Variants in MINK1 observed in about 807,000 individuals in gnomAD.
The protein encoded by MINK1 is misshapen like kinase 1.
In MINK1, 46 loss-of-function variants were observed where a neutral mutation model predicts 178.4. The observed-to-expected ratio is 0.26, with a 90% confidence interval of 0.20 to 0.33. MINK1 has a LOEUF of 0.33. Ranked by LOEUF, MINK1 falls within the 10% of genes least tolerant of loss-of-function variation. The pLI is 1.00. For synonymous variants in MINK1, 797 were observed against 709.7 expected, an observed-to-expected ratio of 1.12 and a Z score of -1.96; for missense variants, 1,366 against 1,814.9, an observed-to-expected ratio of 0.75 and a Z score of 4.49.
At chr17:4,866,802 G>A (rs1455669682) in intron 1 of MINK1, among the ~76,000 whole-genome samples, 2 of 151,332 alleles carry the variant, frequency 1.3e-5, no homozygotes, top group Admixed American at 6.6e-5. Flanking sequence ...GATCGGGCGC[G>A]GTGGCTCACG....
At chr17:4,871,972 G>C (rs1396751684) in intron 1 of MINK1, among the ~76,000 whole-genome samples, 1 of 152,114 alleles carries the variant, frequency 6.6e-6, no homozygotes, top group Non-Finnish European at 1.5e-5. Context: ...TCAGCCTCCT[G>C]AGGGAAATAC....
At chr17:4,842,084 C>T (rs1199790026) in intron 1 of MINK1, among the ~76,000 whole-genome samples, 4 of 151,960 alleles carry the variant, frequency 2.6e-5, no homozygotes, top group South Asian at 4.1e-4. Flanking sequence ...ATTAGCCGGG[C>T]GCGGTGGTGG....
At chr17:4,878,481 C>A in intron 2 of MINK1, 99 bp downstream of exon 2, 1 of 1,100,796 alleles carries the variant, frequency 9.1e-7, no homozygotes. Flanking sequence ...CTGAAGGGGG[C>A]TATGGGAGAT....
chr17:4,874,630 G>A (rs1967007706), intron 1 of MINK1, among the ~76,000 whole-genome samples: 1 of 152,140 alleles, frequency 6.6e-6, no homozygotes, highest in African/African-American at 2.4e-5. Flanking sequence ...GGGAGGAGGA[G>A]GAGGAGGATT....
rs1301671103 is a variant in MINK1 at position 4,887,821 on chromosome 17, C to T, written c.1230+31C>T. The T allele has an allele frequency of 1.3e-5, 19 of 1,451,336 alleles. No individual in the cohort carries two copies. Among genetic ancestry groups the T allele is most frequent in the Admixed American group, 5.8e-5 (2 of 34,744 alleles). The allele number at this position is 1,451,336 out of a possible 1,614,324, so 89.9% of individuals were successfully genotyped here. On this transcript the variant is annotated intron_variant, in intron 12 of 31. Coordinates refer to ENST00000355280, the MANE Select transcript of MINK1 (RefSeq NM_153827.5). The surrounding 1 kb of genome is among the most constrained non-coding windows in gnomAD (Gnocchi z 7.6). The stretch of plus-strand genomic sequence containing the variant: ...CTGTCTCCGAAGGGCCCAGGCCTGG[C>T]GCGGCCTCCTCCTGACCTGCCCCGG...
At chr17:4,884,129 A>G (rs530236343) in intron 4 of MINK1, among the ~76,000 whole-genome samples, 5 of 151,450 alleles carry the variant, frequency 3.3e-5, no homozygotes, top group Non-Finnish European at 7.4e-5. Flanking sequence ...AGCCTCCCAA[A>G]GTGCTGGGAT....
rs1282881992 is a variant in MINK1, at chr17:4,896,862, C to G, written c.3915+49C>G. On this transcript the variant is annotated intron_variant, in intron 31 of 31. Transcript: ENST00000355280. The surrounding 1 kb of genome is among the most constrained non-coding windows in gnomAD (Gnocchi z 4.6). ...AGCCCTGCTGTCCCGGCTGCCATGA[C>G]CCTAGGCCCCTGGGCAGAGTTCTGG... 6.6e-7 allele frequency: 1 copy of G among 1,518,738 alleles called. No individual in the cohort carries two copies. The allele number at this position is 1,518,738 out of a possible 1,614,324, so 94.1% of individuals were successfully genotyped here.
chr17:4,893,222 CCT>C (rs1405790857), intron 20 of MINK1, 155 bp downstream of exon 20: 3 of 1,520,592 alleles, frequency 2.0e-6, no homozygotes, highest in African/African-American at 4.0e-5. Context: ...CCTTTCCTAA[CCT>C]CTCTCCTAAC....
At position 4,886,529 on chromosome 17, in the gene MINK1, G is replaced by A. The variant is rs752660121; in HGVS notation, c.852G>A (p.Leu284=). Residue 284 remains leucine, a synonymous_variant, in exon 10 of 32, where the codon CTG becomes CTA. Transcript: ENST00000355280. This position sits in a 1 kb window ranked among gnomAD's most constrained non-coding sequence, Gnocchi z 6.1. ...YLSRPPTEQL[L]KFPFIRDQPT... is the part of the protein sequence containing the mutation. ...GCCGCCCACCCACGGAGCAGCTACT[G>A]AAGTTTCCCTTCATCCGGGACCAGC... 6 of 1,613,768 alleles carry A rather than the reference G, an allele frequency of 3.7e-6. No homozygotes were observed. The South Asian group carries it at 5.5e-5, about 15-fold the overall frequency.
At chr17:4,881,486 G>A (rs1211487633) in intron 4 of MINK1, among the ~76,000 whole-genome samples, 1 of 152,174 alleles carries the variant, frequency 6.6e-6, no homozygotes, top group East Asian at 1.9e-4. Context: ...TTGTGGGGAG[G>A]GGTCCTGGCG....
chr17:4,874,255 T>A (rs1264985020), intron 1 of MINK1, among the ~76,000 whole-genome samples: 1 of 152,218 alleles, frequency 6.6e-6, no homozygotes, highest in South Asian at 2.1e-4. Context: ...AAATATGTAA[T>A]GGATGAATGA....
In MINK1 at chr17:4,887,265, C is replaced by T. The variant is rs185815213; in HGVS notation, c.1019+86C>T. 1,907 of 1,373,204 alleles carry T rather than the reference C, an allele frequency of 1.4e-3. 3 individuals are homozygous for T. The highest frequency in any genetic ancestry group is 1.3e-3 in the Non-Finnish European group (1,283 of 988,646). 85.1% of individuals were successfully genotyped at this position (1,373,204 alleles called of 1,614,324 possible). ...GGTGCTTGGCTTTGGGGACTCTCAGCCTGGGGGTGGTGGGCACAGAGAGGT... is the reference window on the plus strand; with the variant it reads ...GGTGCTTGGCTTTGGGGACTCTCAGTCTGGGGGTGGTGGGCACAGAGAGGT... On this transcript the variant is annotated intron_variant, in intron 11 of 31. Coordinates refer to ENST00000355280, the MANE Select transcript of MINK1 (RefSeq NM_153827.5). This position sits in a 1 kb window ranked among gnomAD's most constrained non-coding sequence, Gnocchi z 7.6.
rs1229552096 is a variant in MINK1 at position 4,896,656 on chromosome 17, C to T, written c.3776-18C>T. ...CCCCGGGGTGCAGCCTGCTCAGCCCCTCACCTGTTCCCCACAGCCTACATC... is the reference window on the plus strand; with the variant it reads ...CCCCGGGGTGCAGCCTGCTCAGCCCTTCACCTGTTCCCCACAGCCTACATC... On this transcript the variant is annotated intron_variant, in intron 30 of 31. Coordinates refer to ENST00000355280, the MANE Select transcript of MINK1 (RefSeq NM_153827.5). The surrounding 1 kb of genome is among the most constrained non-coding windows in gnomAD (Gnocchi z 4.6). 1.2e-6 allele frequency: 2 copies of T among 1,604,950 alleles called. No individual in the cohort carries two copies. The highest frequency in any genetic ancestry group is 1.7e-5 in the Admixed American group (1 of 59,472).
chr17:4,897,028 C>G (rs539962235), intron 31 of MINK1, 176 bp from the exon 32 acceptor site: 21 of 867,578 alleles, frequency 2.4e-5, no homozygotes, highest in Non-Finnish European at 3.4e-5. Flanking sequence ...GGTGCACCCT[C>G]TCCCCTAACA....
rs1302569763 is a variant in MINK1 at position 4,887,044 on chromosome 17, G to T, written c.950-66G>T. 1 of 1,516,564 alleles carries T rather than the reference G, an allele frequency of 6.6e-7. No individual in the cohort carries two copies. The highest frequency in any genetic ancestry group is 2.0e-5 in the Admixed American group (1 of 50,556). 93.9% of individuals were successfully genotyped at this position (1,516,564 alleles called of 1,614,324 possible). ...GAGAGACCTGGTTATCCCCACCCAAGGTTTCCCTAGCCCACGGCGGGTCTG... is the reference window on the plus strand; with the variant it reads ...GAGAGACCTGGTTATCCCCACCCAATGTTTCCCTAGCCCACGGCGGGTCTG... On this transcript the variant is annotated intron_variant, in intron 10 of 31. Coordinates refer to ENST00000355280, the MANE Select transcript of MINK1 (RefSeq NM_153827.5). This position sits in a 1 kb window ranked among gnomAD's most constrained non-coding sequence, Gnocchi z 7.6.
In MINK1 at chr17:4,887,108, A is replaced by G; in HGVS notation, c.950-2A>G. The G allele has an allele frequency of 6.3e-7, 1 of 1,591,254 alleles. No homozygotes were observed. On this transcript the variant is annotated splice_acceptor_variant, in intron 10 of 31. Transcript: ENST00000355280. LOFTEE classifies it high-confidence loss of function. This position sits in a 1 kb window ranked among gnomAD's most constrained non-coding sequence, Gnocchi z 7.6. ...GATAACTGCAGTGGCCTCCCCCTGC[A>G]GAGGAGACAGAATATGAGTACAGCG...
intron 13 of MINK1, chr17:4,890,007 C>A (rs913470478): frequency 1.4e-5 from 8 of 571,378 alleles, no homozygotes; most frequent in Non-Finnish European, 2.2e-5. Flanking sequence ...CTTCCTCATC[C>A]CCCCTCATTC....
At chr17:4,841,029 C>T (rs1054342032) in intron 1 of MINK1, among the ~76,000 whole-genome samples, 8 of 152,168 alleles carry the variant, frequency 5.3e-5, no homozygotes, top group Middle Eastern at 3.4e-3. Context: ...GACAGGAAGA[C>T]CTTTGACAGA....
At chr17:4,890,366 C>T (rs192794336) in intron 13 of MINK1, 151 bp from the exon 14 acceptor site, 60 of 1,433,988 alleles carry the variant, frequency 4.2e-5, no homozygotes, top group Middle Eastern at 5.1e-4. Context: ...TTTGCTGGAA[C>T]GGGATGGGAA....
Sources: gnomAD v4.1 joint callset for allele counts (sites outside exome capture counted in the v4.1 genomes callset) on GRCh38, gnomAD v4.1.1 for gene constraint, Gnocchi (gnomAD v3.1) non-coding constraint, MANE v1.5 for transcripts, NCBI Gene and HGNC (gene_info 2026-07-23, HGNC 2026-07-21) for gene names.